CNOT10: variants seen among roughly 807,000 people sequenced by gnomAD.
CNOT10 encodes the protein CCR4-NOT transcription complex, subunit 10.
CNOT10 carries 30 observed loss-of-function variants against 94.6 expected under a neutral mutation model. The ratio of observed to expected loss-of-function variants is 0.32; its 90% CI spans 0.24 to 0.43. The LOEUF is 0.43. Ranked by LOEUF, CNOT10 falls within the 20% of genes least tolerant of loss-of-function variation. The pLI is 1.00. For missense variants in CNOT10, 759 were observed against 877.2 expected (o/e 0.87, Z 1.70); for synonymous variants, 289 against 301.6 (o/e 0.96, Z 0.43).
In CNOT10 at chr3:32,773,442, G is replaced by T. The variant is rs765844778; in HGVS notation, c.2081-15G>T. Reference sequence around the variant, plus strand: ...TGTTCTGTGCTTTGTTTTTTAACGGGAAGTGTTTTTATAGGTAATACTCAG... The same window carrying T: ...TGTTCTGTGCTTTGTTTTTTAACGGTAAGTGTTTTTATAGGTAATACTCAG... On this transcript the variant is annotated splice_polypyrimidine_tract_variant and intron_variant, in intron 18 of 18. Coordinates refer to ENST00000328834, the MANE Select transcript of CNOT10 (RefSeq NM_015442.3). 2 of 1,601,456 alleles carry T rather than the reference G, an allele frequency of 1.2e-6. No homozygotes were observed. The highest frequency in any genetic ancestry group is 2.2e-5 in the East Asian group (1 of 44,510).
intron 11 of CNOT10, among the ~76,000 whole-genome samples, chr3:32,733,977 T>C (rs149701809): frequency 6.6e-6 from 1 of 152,328 alleles, no homozygotes; most frequent in East Asian, 1.9e-4. Context: ...ACCAAAGCAG[T>C]ATAGAAGCTG....
chr3:32,764,992 C>T (rs1381415140), intron 17 of CNOT10, 183 bp downstream of exon 17: 1 of 1,518,052 alleles, frequency 6.6e-7, no homozygotes, highest in African/African-American at 1.4e-5. Flanking sequence ...TGAACCTAGA[C>T]ACTTAAAGGA....
intron 1 of CNOT10, among the ~76,000 whole-genome samples, chr3:32,699,520 G>A (rs1697234031): frequency 6.6e-6 from 1 of 152,050 alleles, no homozygotes; most frequent in South Asian, 2.1e-4. Flanking sequence ...GCAAGTTTCT[G>A]GTGTTTGAGG....
intron 9 of CNOT10, 91 bp from the exon 10 acceptor site, chr3:32,727,577 G>A: frequency 1.2e-6 from 1 of 814,284 alleles, no homozygotes; most frequent in Non-Finnish European, 2.1e-6. Flanking sequence ...GTTAAACATG[G>A]TAGTGTCTAA....
chr3:32,753,746 A>G (rs925108023), intron 13 of CNOT10: 13 of 1,600,658 alleles, frequency 8.1e-6, no homozygotes, highest in African/African-American at 6.7e-5. Flanking sequence ...AGATTATTTC[A>G]GCAGATCTAT....
At chr3:32,696,785 A>G (rs1278321022) in intron 1 of CNOT10, among the ~76,000 whole-genome samples, 2 of 151,850 alleles carry the variant, frequency 1.3e-5, no homozygotes, top group African/African-American at 4.8e-5. Flanking sequence ...TTTGGTAGAG[A>G]TGGGTTTTCA....
At chr3:32,716,960 C>T (rs561873341) in intron 6 of CNOT10, among the ~76,000 whole-genome samples, 194 bp from the exon 7 acceptor site, 15 of 152,154 alleles carry the variant, frequency 9.9e-5, no homozygotes, top group African/African-American at 3.4e-4. Flanking sequence ...AGTTTTTATT[C>T]TACCGTGATT....
chr3:32,742,629 G>A (rs1450184797), intron 13 of CNOT10, among the ~76,000 whole-genome samples: 3 of 152,126 alleles, frequency 2.0e-5, no homozygotes, highest in African/African-American at 4.8e-5. Flanking sequence ...TGATCTGCCC[G>A]CCTCAGCCTC....
chr3:32,687,439 G>GTTTTTTTTTTTGT (rs1553626981), intron 1 of CNOT10, among the ~76,000 whole-genome samples: 761 of 51,312 alleles, frequency 0.015, 175 homozygotes, highest in Admixed American at 0.024. Flanking sequence ...AGTCCTCACG[G>GTTTTTTTTTTTGT]TTTTTTTTTT....
At chr3:32,731,577 G>A (rs1304890410) in intron 10 of CNOT10, among the ~76,000 whole-genome samples, 1 of 152,102 alleles carries the variant, frequency 6.6e-6, no homozygotes, top group East Asian at 1.9e-4. Flanking sequence ...CTGGTGTCAA[G>A]CGATCTTCCC....
chr3:32,746,368 A>G (rs953490698), intron 13 of CNOT10, among the ~76,000 whole-genome samples: 4 of 152,204 alleles, frequency 2.6e-5, no homozygotes, highest in Non-Finnish European at 5.9e-5. Context: ...TGTAATATAT[A>G]ATGAAATAGT....
At chr3:32,734,449 A>G (rs1204228083) in intron 11 of CNOT10, among the ~76,000 whole-genome samples, 2 of 152,180 alleles carry the variant, frequency 1.3e-5, no homozygotes, top group East Asian at 3.8e-4. Context: ...CTTTCGTCCC[A>G]TTCTTAGTAT....
intron 13 of CNOT10, among the ~76,000 whole-genome samples, chr3:32,742,922 C>T (rs1383114961): frequency 6.6e-6 from 1 of 150,776 alleles, no homozygotes; most frequent in Non-Finnish European, 1.5e-5. Flanking sequence ...ATGAAGAAGA[C>T]ATTTGAAACA....
chr3:32,771,559 C>T (rs111600076), intron 18 of CNOT10, among the ~76,000 whole-genome samples: 49 of 152,130 alleles, frequency 3.2e-4, no homozygotes, highest in African/African-American at 9.2e-4. Flanking sequence ...CGAGACACAC[C>T]ACTGCACTCC....
chr3:32,706,603 A>G (rs1328817995), intron 3 of CNOT10, among the ~76,000 whole-genome samples: 1 of 152,224 alleles, frequency 6.6e-6, no homozygotes, highest in African/African-American at 2.4e-5. Flanking sequence ...TGGCTGGAGC[A>G]GTTACTAGAC....
At chr3:32,756,902 T>C (rs1374374277) in intron 13 of CNOT10, among the ~76,000 whole-genome samples, 1 of 148,766 alleles carries the variant, frequency 6.7e-6, no homozygotes, top group African/African-American at 2.5e-5. Context: ...AGGTCAGGAG[T>C]TTCCAGCCTG....
At chr3:32,695,627 T>C (rs951809977) in intron 1 of CNOT10, 2 of 1,535,740 alleles carry the variant, frequency 1.3e-6, no homozygotes, top group Admixed American at 3.9e-5. Context: ...TATTTAGAAA[T>C]GAAGTCTATT....
intron 10 of CNOT10, among the ~76,000 whole-genome samples, chr3:32,729,232 T>C (rs1698827418): frequency 6.6e-6 from 1 of 152,246 alleles, no homozygotes; most frequent in African/African-American, 2.4e-5. Flanking sequence ...GACACATGAT[T>C]GCCCATGGTA....
At chr3:32,703,414 C>A (rs370534972) in intron 1 of CNOT10, among the ~76,000 whole-genome samples, 4 of 151,968 alleles carry the variant, frequency 2.6e-5, no homozygotes, top group African/African-American at 9.7e-5. Flanking sequence ...TTTTTTAATA[C>A]GTACATAACT....
Sources: gnomAD v4.1 joint callset for allele counts (sites outside exome capture counted in the v4.1 genomes callset) on GRCh38, gnomAD v4.1.1 for gene constraint, MANE v1.5 for transcripts, NCBI Gene and HGNC (gene_info 2026-07-23, HGNC 2026-07-21) for gene names.